Variants in NOM1 observed in about 807,000 individuals in gnomAD.
The protein encoded by NOM1 is nucleolar protein with MIF4G domain 1, also known as nucleolar MIF4G domain-containing protein 1.
NOM1 carries 58 observed loss-of-function variants against 73.3 expected under a neutral mutation model. The observed-to-expected ratio is 0.79, with a 90% CI of 0.64 to 0.99. NOM1 has a LOEUF of 0.99. NOM1 is among the 50% of genes least tolerant of loss of function. The probability of loss-of-function intolerance (pLI) is 0.00; values close to 1 mark genes in which losing one functional copy is unlikely to be tolerated. For missense variants in NOM1, 1,226 were observed against 1,131.9 expected (o/e 1.08, Z -1.19); for synonymous variants, 487 against 446.8 (o/e 1.09, Z -1.14).
At chr7:156,965,192 T>C (rs574354151) in intron 7 of NOM1, among the ~76,000 whole-genome samples, 48 of 152,280 alleles carry the variant, frequency 3.2e-4, no homozygotes, top group African/African-American at 9.6e-4. Flanking sequence ...AGGTACAGAG[T>C]GTCTGCCTCT....
Position 156,969,123 on chromosome 7 carries a change from C to T in NOM1, c.2335C>T (p.Arg779Cys), listed in dbSNP as rs61742645. 9.9e-4 allele frequency: 1,575 copies of T among 1,597,790 alleles called. 18 individuals carry two copies. In the African/African-American group the frequency reaches 0.019, roughly 19 times the overall value. Residue 779 changes from arginine to cysteine, a missense_variant, in exon 10 of 11, where the codon CGT (arginine) becomes TGT (cysteine). By Grantham distance (180) the Arg-to-Cys change is radical (BLOSUM62 -3). Coordinates refer to ENST00000275820, the MANE Select transcript of NOM1 (RefSeq NM_138400.2). The part of the protein sequence containing the change: ...EFSELDKPRV[R>C]FLRKVLSILL... ...CAGTGAATTGGACAAACCCAGAGTC[C>T]GTTTTTTACGAAAAGTATTAAGTAT...
At position 156,970,385 on chromosome 7, in the gene NOM1, AG is replaced by A. The variant is rs1805113660; in HGVS notation, c.*683del. ...TTTTTACCTTTTTAAAATATTGGTTAGAAGTTCAAAAACCATCCCTTAAAGG... is the reference window on the plus strand; with the variant it reads ...TTTTTACCTTTTTAAAATATTGGTTAAAGTTCAAAAACCATCCCTTAAAGG... On this transcript the variant is annotated 3_prime_UTR_variant, in exon 11 of 11. Transcript: ENST00000275820. The A allele has an allele frequency of 6.6e-6, 1 of 152,102 alleles. No individual in the cohort carries two copies. The highest frequency in any genetic ancestry group is 2.1e-4 in the South Asian group (1 of 4,824). 9.4% of individuals were successfully genotyped at this position (152,102 alleles called of 1,614,324 possible). A position where few individuals can be genotyped will look rare whatever the true frequency, so the allele number is the denominator to read the frequency against.
intron 4 of NOM1, among the ~76,000 whole-genome samples, chr7:156,960,966 A>G (rs1034502902): frequency 5.3e-5 from 8 of 152,170 alleles, no homozygotes; most frequent in Non-Finnish European, 8.8e-5. Flanking sequence ...AGGGTCACCC[A>G]TCAGGGGCAC....
intron 3 of NOM1, among the ~76,000 whole-genome samples, chr7:156,957,546 CG>C (rs1275700783): frequency 6.6e-6 from 1 of 151,900 alleles, no homozygotes; most frequent in African/African-American, 2.4e-5. Flanking sequence ...GAGGCCGAGG[CG>C]GGTGGATCAT....
At position 156,954,433 on chromosome 7, in the gene NOM1, T is replaced by C. The variant is rs564313559; in HGVS notation, c.1308+135T>C. 89 of 657,906 alleles carry C rather than the reference T, an allele frequency of 1.4e-4. No individual in the cohort carries two copies. The East Asian group carries it at 2.9e-3, about 21-fold the overall frequency. The allele number at this position is 657,906 out of a possible 1,614,324, so 40.8% of individuals were successfully genotyped here. A position where few individuals can be genotyped will look rare whatever the true frequency, so the allele number is the denominator to read the frequency against. On this transcript the variant is annotated intron_variant, in intron 3 of 10. Transcript: ENST00000275820. Reference sequence around the variant, plus strand: ...TCCTTTTTGTTGTGAATAAATACTCTATTGTCTATGTCATGTAGTTGTAAA... The same window carrying C: ...TCCTTTTTGTTGTGAATAAATACTCCATTGTCTATGTCATGTAGTTGTAAA...
In NOM1 at chr7:156,971,261, A is replaced by G. The variant is rs937503856; in HGVS notation, c.*1558A>G. On this transcript the variant is annotated 3_prime_UTR_variant, in exon 11 of 11. Coordinates refer to ENST00000275820, the MANE Select transcript of NOM1 (RefSeq NM_138400.2). ...CAGAATAGACATTGAGAGGTTATAT[A>G]TGTCCAAAACTCATCTGTCCAGCAG... The G allele has an allele frequency of 6.6e-6, 1 of 152,248 alleles. No homozygotes were observed. Among genetic ancestry groups the G allele is most frequent in the East Asian group, 1.9e-4 (1 of 5,196 alleles). The allele number at this position is 152,248 out of a possible 1,614,324, so 9.4% of individuals were successfully genotyped here.
intron 5 of NOM1, among the ~76,000 whole-genome samples, chr7:156,962,596 G>A (rs181700161): frequency 4.9e-4 from 75 of 152,332 alleles, no homozygotes; most frequent in African/African-American, 1.6e-3. Context: ...TTGGGATGAC[G>A]TAGGTCCTTT....
At position 156,950,473 on chromosome 7, in the gene NOM1, C is replaced by T. The variant is rs575707726; in HGVS notation, c.736C>T (p.Leu246Phe). Reference protein sequence around the residue: ...GEEEEDAGQTLPESDLESDSQ... With the variant: ...GEEEEDAGQTFPESDLESDSQ... The stretch of plus-strand genomic sequence containing the variant: ...GGAGGAGGAAGATGCCGGACAGACA[C>T]TCCCCGAAAGTGACTTAGAGAGTGA... The change falls in exon 1 of 11, where the codon CTC becomes TTC. Residue 246 changes from leucine (L) to phenylalanine (F), a missense_variant. Coordinates refer to ENST00000275820, the MANE Select transcript of NOM1 (RefSeq NM_138400.2). 1.1e-5 allele frequency: 18 copies of T among 1,613,922 alleles called. No homozygotes were observed. The African/African-American group carries it at 2.3e-4, about 20-fold the overall frequency.
chr7:156,950,196 C>T lies in NOM1; in HGVS notation c.459C>T (p.Ala153=), dbSNP rs1386042693. ...KPRPSRVKAK[A]TAATAKTRPS... The stretch of plus-strand genomic sequence containing the variant: ...GGCCGTCCCGGGTCAAGGCCAAGGC[C>T]ACGGCCGCCACCGCAAAGACCAGAC... The change falls in exon 1 of 11, where the codon GCC becomes GCT. Residue 153 remains alanine, a synonymous_variant. Transcript: ENST00000275820. 26 of 1,608,934 alleles carry T rather than the reference C, an allele frequency of 1.6e-5. No homozygotes were observed. The Admixed American group carries it at 4.0e-4, about 25-fold the overall frequency.
At chr7:156,962,502 C>T (rs899839965) in intron 5 of NOM1, among the ~76,000 whole-genome samples, 1 of 152,212 alleles carries the variant, frequency 6.6e-6, no homozygotes, top group Non-Finnish European at 1.5e-5. Flanking sequence ...CTCTTTGCCT[C>T]ACCCCGGGTG....
chr7:156,950,287 C>A lies in NOM1; in HGVS notation c.550C>A (p.Arg184=). ...TTTAGCGGCGAACGAGGAGGAGGACCGAGAGATCCGAAAGCTGGAGCGTTG... is the reference window on the plus strand; with the variant it reads ...TTTAGCGGCGAACGAGGAGGAGGACAGAGAGATCCGAAAGCTGGAGCGTTG... The part of the protein sequence containing the change: ...ALLAANEEED[R]EIRKLERCLG... The change falls in exon 1 of 11, where the codon CGA becomes AGA. Residue 184 remains arginine, a synonymous_variant. Coordinates refer to ENST00000275820, the MANE Select transcript of NOM1 (RefSeq NM_138400.2). 17 of 1,614,072 alleles carry A rather than the reference C, an allele frequency of 1.1e-5. No homozygotes were observed. Among genetic ancestry groups the A allele is most frequent in the Non-Finnish European group, 1.4e-5 (17 of 1,179,936 alleles).
chr7:156,950,385 T>C lies in NOM1; in HGVS notation c.648T>C (p.Leu216=). 3.1e-6 allele frequency: 5 copies of C among 1,614,224 alleles called. No individual in the cohort carries two copies. The highest frequency in any genetic ancestry group is 4.2e-6 in the Non-Finnish European group (5 of 1,180,040). ...SVPLSFARDG[L]DYILGALESG... is the part of the protein sequence containing the mutation. ...CGCTGAGCTTTGCACGCGACGGTCT[T>C]GACTATATTCTGGGAGCCCTGGAGT... Residue 216 remains leucine (L), a synonymous_variant, in exon 1 of 11, where the codon CTT becomes CTC. Transcript: ENST00000275820.
intron 4 of NOM1, chr7:156,960,395 C>T (rs972955392): frequency 9.4e-6 from 5 of 529,228 alleles, no homozygotes; most frequent in East Asian, 6.7e-5. Flanking sequence ...AACATTCATC[C>T]GTTAAAAAAT....
At chr7:156,961,064 G>A (rs546953949) in intron 4 of NOM1, among the ~76,000 whole-genome samples, 1 of 152,332 alleles carries the variant, frequency 6.6e-6, no homozygotes, top group Admixed American at 6.5e-5. Flanking sequence ...GTGGGCTGAA[G>A]GGATATGGGG....
chr7:156,962,488 C>G (rs563231635), intron 5 of NOM1, among the ~76,000 whole-genome samples: 3 of 152,178 alleles, frequency 2.0e-5, no homozygotes, highest in East Asian at 1.9e-4. Flanking sequence ...GTTGGGCGAG[C>G]GTCCTCTTTG....
At chr7:156,969,055 A>T in intron 9 of NOM1, 32 bp from the exon 10 acceptor site, 1 of 1,206,668 alleles carries the variant, frequency 8.3e-7, no homozygotes, top group South Asian at 1.2e-5. Context: ...AAATCAGTGT[A>T]ACTTTATTTT....
At chr7:156,964,839 C>T (rs976903994) in intron 7 of NOM1, among the ~76,000 whole-genome samples, 1 of 152,122 alleles carries the variant, frequency 6.6e-6, no homozygotes, top group Non-Finnish European at 1.5e-5. Context: ...CCTAGTCACC[C>T]TTGGTCTCTA....
rs1805076739 is a variant in NOM1, at chr7:156,969,107, G to C, written c.2319G>C (p.Leu773Phe). The change falls in exon 10 of 11, where the codon TTG (leucine) becomes TTC (phenylalanine). Residue 773 changes from leucine (L) to phenylalanine (F), a missense_variant. By Grantham distance (22) the Leu-to-Phe change is conservative. Coordinates refer to ENST00000275820, the MANE Select transcript of NOM1 (RefSeq NM_138400.2). ...ATTAGGTAGTTGAATTCAGTGAATTGGACAAACCCAGAGTCCGTTTTTTAC... is the reference window on the plus strand; with the variant it reads ...ATTAGGTAGTTGAATTCAGTGAATTCGACAAACCCAGAGTCCGTTTTTTAC... ...SILKVVEFSE[L>F]DKPRVRFLRK... 3 of 1,586,642 alleles carry C rather than the reference G, an allele frequency of 1.9e-6. No individual in the cohort carries two copies. Among genetic ancestry groups the C allele is most frequent in the South Asian group, 2.2e-5 (2 of 90,546 alleles).
At chr7:156,967,240 A>G in intron 9 of NOM1, 148 bp downstream of exon 9, 1 of 918,504 alleles carries the variant, frequency 1.1e-6, no homozygotes, top group Non-Finnish European at 1.6e-6. Flanking sequence ...CCAGGACAGA[A>G]AACGGCCAGA....
Sources: gnomAD v4.1 joint callset for allele counts (sites outside exome capture counted in the v4.1 genomes callset) on GRCh38, gnomAD v4.1.1 for gene constraint, MANE v1.5 for transcripts, NCBI Gene and HGNC (gene_info 2026-07-23, HGNC 2026-07-21) for gene names.